ZNF33B: variants seen among roughly 807,000 people sequenced by gnomAD.
ZNF33B encodes the protein zinc finger protein 11b (KOX 2).
A neutral mutation model predicts 45.8 loss-of-function variants in ZNF33B; 29 were observed. That is an observed-to-expected ratio of 0.63 (90% CI 0.47 to 0.86). The LOEUF is 0.86. ZNF33B is among the 40% of genes least tolerant of loss of function. ZNF33B has a pLI of 0.00. For missense variants in ZNF33B, 831 were observed against 909.9 expected, an observed-to-expected ratio of 0.91 and a Z score of 1.12; for synonymous variants, 305 against 307.8, an observed-to-expected ratio of 0.99 and a Z score of 0.10.
Position 42,594,277 on chromosome 10 carries a change from G to A in ZNF33B, c.673C>T (p.Gln225Ter). ...ACTGCCTTTTCAAGGAGGGTTTCCT[G>A]ACATATACTGTATTCAAAATTGTGG... is the stretch of plus-strand genomic sequence containing the variant. ...LDHNFEYSICQETLLEKAVFN... is the reference protein window; with the variant it reads ...LDHNFEYSIC Residue 225 changes from glutamine to a stop codon, truncating the protein, a stop_gained, in exon 5 of 5, where the codon CAG (glutamine) becomes TAG (stop). Transcript: ENST00000359467. LOFTEE classifies it low-confidence loss of function (END_TRUNC). 6.2e-7 allele frequency: 1 copy of A among 1,613,842 alleles called. No individual in the cohort carries two copies. The highest frequency in any genetic ancestry group is 8.5e-7 in the Non-Finnish European group (1 of 1,179,904).
intron 4 of ZNF33B, among the ~76,000 whole-genome samples, chr10:42,621,471 C>T (rs534206577): frequency 2.6e-5 from 4 of 151,590 alleles, no homozygotes; most frequent in African/African-American, 7.3e-5. Context: ...GAGTATACAC[C>T]ATGACCAAGT....
intron 4 of ZNF33B, among the ~76,000 whole-genome samples, chr10:42,622,042 G>C (rs1382380115): frequency 6.6e-6 from 1 of 152,112 alleles, no homozygotes; most frequent in Non-Finnish European, 1.5e-5. Flanking sequence ...CACCTGCAAA[G>C]AACAATCTGA....
At chr10:42,603,944 A>C (rs1837733668) in intron 4 of ZNF33B, among the ~76,000 whole-genome samples, 3 of 152,210 alleles carry the variant, frequency 2.0e-5, no homozygotes, top group Admixed American at 2.0e-4. Flanking sequence ...AATAAGAAAC[A>C]ACAACAAGCC....
intron 1 of ZNF33B, among the ~76,000 whole-genome samples, chr10:42,638,204 C>T (rs1216416095): frequency 6.6e-6 from 1 of 152,266 alleles, no homozygotes; most frequent in Non-Finnish European, 1.5e-5. Context: ...TCCCGCAAGG[C>T]TCAGCGCTCG....
intron 4 of ZNF33B, among the ~76,000 whole-genome samples, chr10:42,626,710 T>TAAAC (rs1225688740): frequency 3.9e-4 from 57 of 145,418 alleles, no homozygotes; most frequent in Non-Finnish European, 1.5e-4. Flanking sequence ...AATAAATAAA[T>TAAAC]AAATAAATAA....
chr10:42,628,760 A>C (rs891550228), intron 4 of ZNF33B, among the ~76,000 whole-genome samples: 2 of 152,132 alleles, frequency 1.3e-5, no homozygotes, highest in African/African-American at 4.8e-5. Context: ...AACGCCACCG[A>C]TCATACACAC....
At chr10:42,609,241 C>A (rs1186557344) in intron 4 of ZNF33B, among the ~76,000 whole-genome samples, 1 of 152,032 alleles carries the variant, frequency 6.6e-6, no homozygotes, top group African/African-American at 2.4e-5. Context: ...CATGGTGAAA[C>A]CCCCTCTCTA....
At chr10:42,619,565 G>A (rs1042690337) in intron 4 of ZNF33B, among the ~76,000 whole-genome samples, 1 of 152,078 alleles carries the variant, frequency 6.6e-6, no homozygotes, top group African/African-American at 2.4e-5. Flanking sequence ...TTCCAATAAA[G>A]TTAACTATAT....
At chr10:42,579,311 G>C (rs1836791239) in intron 1 of ZNF33B, among the ~76,000 whole-genome samples, 2 of 152,198 alleles carry the variant, frequency 1.3e-5, no homozygotes, top group African/African-American at 4.8e-5. Context: ...TGTTATTCAT[G>C]TAGTGAGCAT....
chr10:42,617,090 C>CTTTT (rs1370254051), intron 4 of ZNF33B, among the ~76,000 whole-genome samples: 1 of 85,686 alleles, frequency 1.2e-5, no homozygotes. Context: ...TTCATTTTTT[C>CTTTT]TCTTTTTTTT....
chr10:42,635,393 C>T (rs1193749974), intron 2 of ZNF33B, among the ~76,000 whole-genome samples: 2 of 151,992 alleles, frequency 1.3e-5, no homozygotes, highest in Non-Finnish European at 2.9e-5. Context: ...GGGGACAAGA[C>T]GGCAGCTGCA....
At chr10:42,578,514 A>C (rs1836780221) in intron 1 of ZNF33B, 1 of 152,638 alleles carries the variant, frequency 6.6e-6, no homozygotes, top group South Asian at 2.1e-4. Flanking sequence ...CCAGCCAGGG[A>C]GTCTCAGCCA....
chr10:42,608,788 T>C (rs181240409), intron 4 of ZNF33B, among the ~76,000 whole-genome samples: 433 of 151,368 alleles, frequency 2.9e-3, no homozygotes, highest in Middle Eastern at 0.017. Context: ...AGAAAGATTA[T>C]AGAGTAAAAA....
chr10:42,585,322 C>T (rs1262800621), downstream of ZNF33B, among the ~76,000 whole-genome samples: 1 of 152,214 alleles, frequency 6.6e-6, no homozygotes, highest in Non-Finnish European at 1.5e-5. Context: ...TCGTCACATC[C>T]TGGGCAGTCT....
chr10:42,621,218 C>G (rs112588289), intron 4 of ZNF33B, among the ~76,000 whole-genome samples: 3,499 of 151,456 alleles, frequency 0.023, 89 homozygotes, highest in Admixed American at 0.093. Context: ...ACAGCTATAG[C>G]CCCCTCAGGA....
At chr10:42,603,756 G>A (rs1003044781) in intron 4 of ZNF33B, among the ~76,000 whole-genome samples, 18 of 151,982 alleles carry the variant, frequency 1.2e-4, no homozygotes, top group African/African-American at 4.3e-4. Context: ...AGCAACAGAG[G>A]CAGACAGGCT....
At chr10:42,638,149 G>A (rs1839417538) in intron 1 of ZNF33B, among the ~76,000 whole-genome samples, 1 of 152,262 alleles carries the variant, frequency 6.6e-6, no homozygotes, top group East Asian at 1.9e-4. Flanking sequence ...GTAGGGCCGC[G>A]CCCTAGCACA....
chr10:42,601,083 G>GT (rs199872659), intron 4 of ZNF33B, among the ~76,000 whole-genome samples: 2,584 of 152,214 alleles, frequency 0.017, 79 homozygotes, highest in African/African-American at 0.059. Flanking sequence ...TCTACATTGA[G>GT]ATTTTTGCTT....
downstream of ZNF33B, among the ~76,000 whole-genome samples, chr10:42,584,265 G>T (rs1209395811): frequency 6.6e-6 from 1 of 152,196 alleles, no homozygotes; most frequent in Non-Finnish European, 1.5e-5. Flanking sequence ...AGAATGACAA[G>T]GACAGTGACA....
Sources: gnomAD v4.1 joint callset for allele counts (sites outside exome capture counted in the v4.1 genomes callset) on GRCh38, gnomAD v4.1.1 for gene constraint, MANE v1.5 for transcripts, NCBI Gene and HGNC (gene_info 2026-07-23, HGNC 2026-07-21) for gene names.